The following SBF1 variants were observed in gnomAD, a reference collection of about 807,000 sequenced individuals.
SBF1 encodes myotubularin-related protein 5.
SBF1 carries 65 observed loss-of-function variants against 215.8 expected under a neutral mutation model. That is an observed-to-expected ratio of 0.30 (90% confidence interval 0.25 to 0.37). SBF1 has a LOEUF of 0.37. SBF1 is among the 10% of genes least tolerant of loss of function. SBF1 has a pLI of 1.00. For missense variants in SBF1, 2,634 were observed against 2,667.8 expected, an observed-to-expected ratio of 0.99 and a Z score of 0.28; for synonymous variants, 1,410 against 1,122.8, an observed-to-expected ratio of 1.26 and a Z score of -5.11.
intron 22 of SBF1, 117 bp from the exon 23 acceptor site, chr22:50,461,403 G>T (rs905048236): frequency 1.4e-5 from 21 of 1,497,600 alleles, no homozygotes; most frequent in African/African-American, 4.2e-5. Context: ...GCAGACAAAG[G>T]CCCGTTTCCC....
intron 1 of SBF1, among the ~76,000 whole-genome samples, chr22:50,470,090 C>T (rs894995952): frequency 2.6e-5 from 4 of 151,918 alleles, no homozygotes; most frequent in African/African-American, 7.2e-5. Flanking sequence ...CCCCCAAGGA[C>T]AGCTCACTCA....
At chr22:50,452,024 G>C (rs537950297) in intron 36 of SBF1, among the ~76,000 whole-genome samples, 1 of 151,740 alleles carries the variant, frequency 6.6e-6, no homozygotes, top group South Asian at 2.1e-4. Context: ...TCGAACTCCT[G>C]ACCTCAGGTT....
At chr22:50,467,017 G>T (rs1030705423) in intron 5 of SBF1, 3 of 486,098 alleles carry the variant, frequency 6.2e-6, no homozygotes, top group African/African-American at 5.8e-5. Flanking sequence ...CAGGACAGAC[G>T]GGCAGAAAGA....
At chr22:50,458,699 C>T (rs904660384) in intron 28 of SBF1, among the ~76,000 whole-genome samples, 3 of 152,194 alleles carry the variant, frequency 2.0e-5, no homozygotes, top group Non-Finnish European at 2.9e-5. Flanking sequence ...GTGTGCAGGG[C>T]GCCTGTGAAG....
At chr22:50,467,291 C>T (rs2067808926) in intron 5 of SBF1, 47 bp downstream of exon 5, 2 of 1,510,676 alleles carry the variant, frequency 1.3e-6, no homozygotes, top group Non-Finnish European at 1.8e-6. Flanking sequence ...AGGGCCCCAG[C>T]AGGAGGGCCT....
At chr22:50,474,669 G>T in intron 1 of SBF1, 117 bp downstream of exon 1, 1 of 509,624 alleles carries the variant, frequency 2.0e-6, no homozygotes, top group Non-Finnish European at 2.7e-6. Context: ...TCGGCCTCCC[G>T]ACCCAGCCCC....
intron 1 of SBF1, among the ~76,000 whole-genome samples, chr22:50,473,534 G>A (rs541916222): frequency 3.3e-5 from 5 of 152,218 alleles, no homozygotes; most frequent in Admixed American, 6.5e-5. Context: ...CACTTGGATA[G>A]ACATGAGCAG....
At position 50,456,663 on chromosome 22, in the gene SBF1, G is replaced by T; in HGVS notation, c.3915C>A (p.Gly1305=). ...TGCTGCGTCCACTGGTCCGGACACT[G>T]CCCCACTTACCTGTGAAGGAGATGC... ...SRRTAPRGKW[G]SVRTSGRSSG... The change falls in exon 30 of 41, where the codon GGC becomes GGA. Residue 1305 remains glycine (G), a synonymous_variant. Coordinates refer to ENST00000380817, the MANE Select transcript of SBF1 (RefSeq NM_002972.4). The T allele has an allele frequency of 6.8e-7, 1 of 1,481,088 alleles. No homozygotes were observed. The highest frequency in any genetic ancestry group is 2.4e-5 in the East Asian group (1 of 41,536). The allele number at this position is 1,481,088 out of a possible 1,614,324, so 91.7% of individuals were successfully genotyped here. A position where few individuals can be genotyped will look rare whatever the true frequency, so the allele number is the denominator to read the frequency against.
At position 50,464,719 on chromosome 22, in the gene SBF1, A is replaced by G; in HGVS notation, c.1451T>C (p.Val484Ala). 2 of 1,606,938 alleles carry G rather than the reference A, an allele frequency of 1.2e-6. No individual in the cohort carries two copies. The highest frequency in any genetic ancestry group is 1.7e-6 in the Non-Finnish European group (2 of 1,177,978). ...GGGCCTCTGTACCTTGTGCATCGCCACGGCTGGGTACGGGTTCTCCTGTGG... is the reference window on the plus strand; with the variant it reads ...GGGCCTCTGTACCTTGTGCATCGCCGCGGCTGGGTACGGGTTCTCCTGTGG... Reference protein sequence around the residue: ...LYKNENPYPAVAMHKVQRPGE... With the variant: ...LYKNENPYPAAAMHKVQRPGE... The change falls in exon 14 of 41, where the codon GTG (valine) becomes GCG (alanine). Residue 484 changes from valine to alanine, a missense_variant. Transcript: ENST00000380817.
chr22:50,448,673 G>A (rs1569508550), intron 36 of SBF1, 23 bp from the exon 37 acceptor site: 16 of 1,560,578 alleles, frequency 1.0e-5, no homozygotes, highest in South Asian at 2.2e-5. Flanking sequence ...TTAATGGCAA[G>A]TTTATTCAAA....
At position 50,461,878 on chromosome 22, in the gene SBF1, A is replaced by C. The variant is rs746329621; in HGVS notation, c.2570-9T>G. 2.5e-6 allele frequency: 4 copies of C among 1,614,058 alleles called. No individual in the cohort carries two copies. The South Asian group carries it at 4.4e-5, about 18-fold the overall frequency. ...GTGCATCTGGACAATGTCTGGGGGAAGACAGTTCTCACACTTTGTGCCCAG... is the reference window on the plus strand; with the variant it reads ...GTGCATCTGGACAATGTCTGGGGGACGACAGTTCTCACACTTTGTGCCCAG... On this transcript the variant is annotated splice_polypyrimidine_tract_variant and intron_variant, in intron 20 of 40. Transcript: ENST00000380817.
chr22:50,468,316 G>A, intron 2 of SBF1, 60 bp downstream of exon 2: 2 of 1,506,240 alleles, frequency 1.3e-6, no homozygotes, highest in Non-Finnish European at 9.1e-7. Context: ...GACAAGGGCA[G>A]GGCTGTGCCC....
chr22:50,454,290 ACTGT>A (rs2067159606), intron 36 of SBF1, among the ~76,000 whole-genome samples: 1 of 152,036 alleles, frequency 6.6e-6, no homozygotes, highest in African/African-American at 2.4e-5. Flanking sequence ...CCCTCCTGTC[ACTGT>A]CTGGAAGCAC....
intron 1 of SBF1, among the ~76,000 whole-genome samples, chr22:50,471,890 C>G (rs1317021998): frequency 6.6e-6 from 1 of 152,190 alleles, no homozygotes; most frequent in Non-Finnish European, 1.5e-5. Flanking sequence ...AGAGGCGAGG[C>G]CATAGGGTGA....
rs897987561 is a variant in SBF1 at position 50,445,812 on chromosome 22, A to G, written c.*1330T>C. On this transcript the variant is annotated 3_prime_UTR_variant, in exon 41 of 41. Coordinates refer to ENST00000380817, the MANE Select transcript of SBF1 (RefSeq NM_002972.4). ...GGGTCCAAGGCCATCCTTGGCTTCA[A>G]CGTCCCACCAGGGGAGGGTCTTGGC... is the stretch of plus-strand genomic sequence containing the variant. 6.6e-6 allele frequency: 1 copy of G among 152,348 alleles called. No individual in the cohort carries two copies. Among genetic ancestry groups the G allele is most frequent in the African/African-American group, 2.4e-5 (1 of 41,416 alleles). The allele number at this position is 152,348 out of a possible 1,614,324, so 9.4% of individuals were successfully genotyped here.
chr22:50,448,736 GAC>G, intron 36 of SBF1, 86 bp from the exon 37 acceptor site: 7 of 1,120,254 alleles, frequency 6.2e-6, no homozygotes, highest in South Asian at 5.3e-5. Flanking sequence ...ACAGGAAAGA[GAC>G]ACAACGGAAA....
At chr22:50,462,165 C>A in intron 19 of SBF1, 40 bp downstream of exon 19, 2 of 1,607,684 alleles carry the variant, frequency 1.2e-6, no homozygotes, top group African/African-American at 1.3e-5. Flanking sequence ...CCCACCACGG[C>A]CCCGCCTCCA....
In SBF1 at chr22:50,461,472, CAA is replaced by C. The variant is rs778002281; in HGVS notation, c.2839+49_2839+50del. Reference sequence around the variant, plus strand: ...GGAGGCAGGGAAAGCCCATCCATCCCAAAGACCTGGGGGAGAGGGGGCGACAG... The same window carrying C: ...GGAGGCAGGGAAAGCCCATCCATCCCAGACCTGGGGGAGAGGGGGCGACAG... On this transcript the variant is annotated intron_variant, in intron 22 of 40. Transcript: ENST00000380817. 3 of 1,538,520 alleles carry C rather than the reference CAA, an allele frequency of 1.9e-6. No homozygotes were observed. The African/African-American group carries it at 4.1e-5, about 21-fold the overall frequency.
At chr22:50,458,663 C>A (rs550960025) in intron 28 of SBF1, among the ~76,000 whole-genome samples, 1 of 152,338 alleles carries the variant, frequency 6.6e-6, no homozygotes, top group East Asian at 1.9e-4. Flanking sequence ...ATCTGCCACC[C>A]CGTCCTGGGG....
Sources: allele counts gnomAD v4.1 joint callset (sites outside exome capture counted in the v4.1 genomes callset), GRCh38; gene constraint gnomAD v4.1.1; transcripts MANE v1.5; gene names NCBI Gene and HGNC (gene_info 2026-07-23, HGNC 2026-07-21).